Variants in WIPF1 observed in about 807,000 individuals in gnomAD.
WIPF1 encodes WAS/WASL-interacting protein family member 1.
Under a neutral mutation model 35.4 loss-of-function variants are expected in WIPF1, and 13 were observed. The ratio of observed to expected loss-of-function variants is 0.37; its 90% CI spans 0.24 to 0.58. The LOEUF is 0.58. WIPF1 is among the 20% of genes least tolerant of loss of function. The pLI, the probability that WIPF1 is intolerant of heterozygous loss-of-function variation, is 0.74. For synonymous variants in WIPF1, 267 were observed against 266.3 expected (o/e 1.00, Z -0.02); for missense variants, 591 against 667.0 (o/e 0.89, Z 1.25).
intron 1 of WIPF1, among the ~76,000 whole-genome samples, chr2:174,596,758 G>A (rs1574821935): frequency 6.6e-6 from 1 of 152,010 alleles, no homozygotes; most frequent in South Asian, 2.1e-4. Flanking sequence ...CAAAAAACTT[G>A]TACTTAGTGA....
In WIPF1 at chr2:174,571,975, A is replaced by T; in HGVS notation, c.830T>A (p.Ile277Asn). The change falls in exon 5 of 8, where the codon ATC (isoleucine) becomes AAC (asparagine). Residue 277 changes from isoleucine to asparagine, a missense_variant. Ile to Asn is a moderately radical substitution (Grantham distance 149). Around this residue, in one of 3 missense-constraint regions of WIPF1, gnomAD observed 471 missense variants for 501.1 expected, o/e 0.94. Coordinates refer to ENST00000679041, the MANE Select transcript of WIPF1 (RefSeq NM_001375834.1). This position sits in a 1 kb window ranked among gnomAD's most constrained non-coding sequence, Gnocchi z 4.6. ...AGGAGGGGGAACCGCTTCCCTGTGG[A>T]TGGAGGGCCTGTTGCCCACTGGAGG... ...PPPPVGNRPSIHREAVPPPPP... is the reference protein window; with the variant it reads ...PPPPVGNRPSNHREAVPPPPP... The T allele has an allele frequency of 6.4e-7, 1 of 1,560,058 alleles. No individual in the cohort carries two copies. Among genetic ancestry groups the T allele is most frequent in the Non-Finnish European group, 8.7e-7 (1 of 1,155,320 alleles).
intron 1 of WIPF1, among the ~76,000 whole-genome samples, chr2:174,614,918 TGA>T (rs1440833089): frequency 6.6e-6 from 1 of 152,210 alleles, no homozygotes; most frequent in Non-Finnish European, 1.5e-5. Flanking sequence ...AGAATATAGA[TGA>T]GAGTTTCTCA....
At chr2:174,564,032 C>A (rs889804481) in intron 7 of WIPF1, among the ~76,000 whole-genome samples, 2 of 152,080 alleles carry the variant, frequency 1.3e-5, no homozygotes, top group South Asian at 2.1e-4. Flanking sequence ...ATCAACTGAC[C>A]CGCCACAAGT....
intron 1 of WIPF1, among the ~76,000 whole-genome samples, chr2:174,633,681 G>A (rs1333751431): frequency 6.6e-6 from 1 of 152,208 alleles, no homozygotes; most frequent in Non-Finnish European, 1.5e-5. Flanking sequence ...CCCTTTCTAT[G>A]TTTCTGGACG....
chr2:174,679,397 G>A (rs1320066962), intron 1 of WIPF1, among the ~76,000 whole-genome samples: 2 of 152,132 alleles, frequency 1.3e-5, no homozygotes, highest in African/African-American at 2.4e-5. Flanking sequence ...GAGCCTGGGA[G>A]GCAGAGGTTG....
chr2:174,655,201 C>A (rs1237967381), intron 1 of WIPF1, among the ~76,000 whole-genome samples: 1 of 152,164 alleles, frequency 6.6e-6, no homozygotes, highest in Admixed American at 6.5e-5. Flanking sequence ...CAGATCTACT[C>A]CTTAGTATCT....
chr2:174,607,520 A>C (rs1273585811), intron 1 of WIPF1, among the ~76,000 whole-genome samples: 1 of 152,208 alleles, frequency 6.6e-6, no homozygotes, highest in African/African-American at 2.4e-5. Flanking sequence ...ACGGACTCAA[A>C]CACTTCAGTG....
chr2:174,669,702 C>T (rs566622168), intron 1 of WIPF1, among the ~76,000 whole-genome samples: 3 of 152,228 alleles, frequency 2.0e-5, no homozygotes, highest in African/African-American at 7.2e-5. Context: ...TAGCAATACT[C>T]CATCTCTACA....
chr2:174,639,853 T>C (rs894903740), intron 1 of WIPF1, among the ~76,000 whole-genome samples: 3 of 152,216 alleles, frequency 2.0e-5, no homozygotes, highest in Admixed American at 6.5e-5. Context: ...TTCACACTTA[T>C]GTTTTTAATC....
At chr2:174,635,529 G>GTTTTTT (rs1197924942) in intron 1 of WIPF1, among the ~76,000 whole-genome samples, 56 of 115,608 alleles carry the variant, frequency 4.8e-4, no homozygotes, top group African/African-American at 6.4e-4. Context: ...CCTTCTGTTT[G>GTTTTTT]TTTTTTTTTT....
At chr2:174,649,415 C>T (rs1020538616) in intron 1 of WIPF1, among the ~76,000 whole-genome samples, 34 of 152,128 alleles carry the variant, frequency 2.2e-4, no homozygotes, top group African/African-American at 8.2e-4. Context: ...AATCCAGAGT[C>T]AGCTCTCCCC....
rs142651809 is a variant in WIPF1 at position 174,679,416 on chromosome 2, T to G, written c.-39+3358A>C. Among the ~76,000 whole-genome samples, 734 of 151,072 alleles carry G rather than the reference T, an allele frequency of 4.9e-3. 4 individuals carry two copies. Among genetic ancestry groups the G allele is most frequent in the Middle Eastern group, 0.017 (5 of 290 alleles). On this transcript the variant is annotated intron_variant, in intron 1 of 8. Coordinates refer to the WIPF1 transcript ENST00000272746. ...CTGGGAGGCAGAGGTTGCAGTGAGCTGAGATCATGCCATTGCACTCCAGCC... is the reference window on the plus strand; with the variant it reads ...CTGGGAGGCAGAGGTTGCAGTGAGCGGAGATCATGCCATTGCACTCCAGCC...
intron 7 of WIPF1, among the ~76,000 whole-genome samples, chr2:174,564,494 T>G (rs552079121): frequency 1.3e-5 from 2 of 152,182 alleles, no homozygotes; most frequent in Admixed American, 1.3e-4. Flanking sequence ...AAATGCCCTT[T>G]ATGTTTCAGG....
chr2:174,632,975 GCAGTTCCCAA>G (rs1559167383), intron 1 of WIPF1, among the ~76,000 whole-genome samples: 28 of 152,302 alleles, frequency 1.8e-4, no homozygotes, highest in Middle Eastern at 3.4e-3. Context: ...CCTTCCTACT[GCAGTTCCCAA>G]GTGCGTGTCT....
intron 1 of WIPF1, among the ~76,000 whole-genome samples, chr2:174,670,187 G>GC (rs992015117): frequency 5.9e-5 from 9 of 151,854 alleles, no homozygotes; most frequent in Non-Finnish European, 1.0e-4. Context: ...TTCACTCCCT[G>GC]CCCCCCCATC....
chr2:174,599,710 G>C (rs114446356), upstream of WIPF1, among the ~76,000 whole-genome samples: 1 of 152,074 alleles, frequency 6.6e-6, no homozygotes, highest in Non-Finnish European at 1.5e-5. Context: ...AAGAGAACAT[G>C]GGCGATATGA....
At chr2:174,598,369 T>C (rs1296127044), upstream of WIPF1, among the ~76,000 whole-genome samples, 3 of 152,152 alleles carry the variant, frequency 2.0e-5, no homozygotes, top group African/African-American at 7.2e-5. Flanking sequence ...TGGAGTGCAG[T>C]GGCGTAATCA....
chr2:174,656,506 C>T (rs1244993751), intron 1 of WIPF1, among the ~76,000 whole-genome samples: 1 of 152,186 alleles, frequency 6.6e-6, no homozygotes, highest in Non-Finnish European at 1.5e-5. Flanking sequence ...CTTCCATTTA[C>T]ATTACATCAC....
chr2:174,595,341 C>T (rs966774473), intron 1 of WIPF1, among the ~76,000 whole-genome samples: 2 of 137,902 alleles, frequency 1.5e-5, no homozygotes, highest in African/African-American at 5.4e-5. Context: ...AGAAATCATA[C>T]AATTTATAAT....
Sources: gnomAD v4.1 joint callset for allele counts (sites outside exome capture counted in the v4.1 genomes callset) on GRCh38, gnomAD v4.1.1 for gene constraint, gnomAD v4.1.1 regional missense constraint, Gnocchi (gnomAD v3.1) non-coding constraint, MANE v1.5 for transcripts, NCBI Gene and HGNC (gene_info 2026-07-23, HGNC 2026-07-21) for gene names.